KIF13A: variants seen among roughly 807,000 people sequenced by gnomAD.
KIF13A encodes kinesin-like protein KIF13A.
Under a neutral mutation model 212.2 loss-of-function variants are expected in KIF13A, and 79 were observed. The ratio of observed to expected loss-of-function variants is 0.37; its 90% CI spans 0.31 to 0.45. The LOEUF (loss-of-function observed/expected upper bound fraction) is 0.45, where lower values mean the gene tolerates loss of function less well. Ranked by LOEUF, KIF13A falls within the 20% of genes least tolerant of loss-of-function variation. The pLI is 1.00. For synonymous variants in KIF13A, 789 were observed against 808.6 expected (o/e 0.98, Z 0.41); for missense variants, 1,901 against 2,209.0 (o/e 0.86, Z 2.79).
In KIF13A at chr6:17,984,585, GTTT is replaced by G. The variant is rs539268621; in HGVS notation, c.146+2466_146+2468del. 37 of 827,476 alleles carry G rather than the reference GTTT, an allele frequency of 4.5e-5. No homozygotes were observed. The highest frequency in any genetic ancestry group is 5.0e-5 in the Non-Finnish European group (35 of 693,418). 51.3% of individuals were successfully genotyped at this position (827,476 alleles called of 1,614,324 possible). Reference sequence around the variant, plus strand: ...GAAACAATGAAAGCTGACCCCATCTGTTTTTTTTTTTTTTCCCTGGACGTCAAT... The same window carrying G: ...GAAACAATGAAAGCTGACCCCATCTGTTTTTTTTTTTCCCTGGACGTCAAT... On this transcript the variant is annotated intron_variant, in intron 2 of 38. Coordinates refer to ENST00000259711, the MANE Select transcript of KIF13A (RefSeq NM_022113.6). The surrounding 1 kb of genome is among the most constrained non-coding windows in gnomAD (Gnocchi z 5.0).
In KIF13A at chr6:17,984,469, TTCA is replaced by T. The variant is rs1274306740; in HGVS notation, c.146+2582_146+2584del. 4.2e-6 allele frequency: 4 copies of T among 962,416 alleles called. No individual in the cohort carries two copies. Among genetic ancestry groups the T allele is most frequent in the Non-Finnish European group, 4.9e-6 (4 of 809,322 alleles). The allele number at this position is 962,416 out of a possible 1,614,324, so 59.6% of individuals were successfully genotyped here. The stretch of plus-strand genomic sequence containing the variant: ...ATGCAATGTATTACAATACTAGAAT[TTCA>T]GCAACAAAACAAACATCTTTAACCT... On this transcript the variant is annotated intron_variant, in intron 2 of 38. Coordinates refer to ENST00000259711, the MANE Select transcript of KIF13A (RefSeq NM_022113.6). This position sits in a 1 kb window ranked among gnomAD's most constrained non-coding sequence, Gnocchi z 5.0.
At chr6:17,814,438 G>A (rs1035468152) in intron 17 of KIF13A, among the ~76,000 whole-genome samples, 4 of 151,350 alleles carry the variant, frequency 2.6e-5, no homozygotes, top group Non-Finnish European at 2.9e-5. Context: ...TAGTACAGAC[G>A]GGGTTTCACC....
At chr6:17,767,813 C>T (rs1759145579) in intron 38 of KIF13A, among the ~76,000 whole-genome samples, 2 of 152,100 alleles carry the variant, frequency 1.3e-5, no homozygotes, top group African/African-American at 4.8e-5. Context: ...TACAATTTTG[C>T]TGAATGAAAT....
chr6:17,929,404 A>ATTT (rs35396541), intron 2 of KIF13A, among the ~76,000 whole-genome samples: 4,530 of 145,184 alleles, frequency 0.031, 162 homozygotes, highest in African/African-American at 0.075. Context: ...ACTCTCGACT[A>ATTT]TTTTTTTTTT....
chr6:17,983,262 C>T (rs1170620219), intron 2 of KIF13A, among the ~76,000 whole-genome samples: 4 of 151,168 alleles, frequency 2.6e-5, no homozygotes. Flanking sequence ...TAAAAATGCA[C>T]ATATATATCT....
At chr6:17,869,815 T>C (rs567409193) in intron 4 of KIF13A, among the ~76,000 whole-genome samples, 1 of 151,790 alleles carries the variant, frequency 6.6e-6, no homozygotes, top group South Asian at 2.1e-4. Context: ...TCTTTCTCTG[T>C]CTCTCTCCCT....
In KIF13A at chr6:17,777,539, C is replaced by T. The variant is rs1016619300; in HGVS notation, c.4093-185G>A. 3.3e-5 allele frequency among the ~76,000 whole-genome samples: 5 copies of T among 152,044 alleles called. No individual in the cohort carries two copies. The highest frequency in any genetic ancestry group is 7.4e-5 in the Non-Finnish European group (5 of 68,012). ...GGGACTACAGGTGCACGCCACCACA[C>T]TCGGCTAATTTTTTTTTGTATTTTA... On this transcript the variant is annotated intron_variant, in intron 33 of 38. Transcript: ENST00000259711. This position sits in a 1 kb window ranked among gnomAD's most constrained non-coding sequence, Gnocchi z 4.4.
At position 17,916,049 on chromosome 6, in the gene KIF13A, C is replaced by T. The variant is rs1250163396; in HGVS notation, c.147-17869G>A. On this transcript the variant is annotated intron_variant, in intron 2 of 38. Transcript: ENST00000259711. The stretch of plus-strand genomic sequence containing the variant: ...GAGGCATGCTAACTGGGCAGGATGG[C>T]GTTTCTCATCCTGATTCCCAATACA... 2.6e-5 allele frequency among the ~76,000 whole-genome samples: 4 copies of T among 152,210 alleles called. No homozygotes were observed. The East Asian group carries it at 5.8e-4, about 22-fold the overall frequency.
intron 2 of KIF13A, among the ~76,000 whole-genome samples, chr6:17,905,340 T>TTAGG (rs970294563): frequency 3.9e-5 from 6 of 152,164 alleles, no homozygotes; most frequent in African/African-American, 1.4e-4. Flanking sequence ...TTTAGAGGAA[T>TTAGG]TAGGCATGGT....
intron 3 of KIF13A, among the ~76,000 whole-genome samples, chr6:17,885,081 A>G (rs557274065): frequency 3.3e-5 from 5 of 152,106 alleles, no homozygotes; most frequent in South Asian, 2.1e-4. Context: ...TCTCTTTTTC[A>G]TCTTTCTCCT....
At chr6:17,929,521 C>T (rs4712318) in intron 2 of KIF13A, among the ~76,000 whole-genome samples, 11 of 152,234 alleles carry the variant, frequency 7.2e-5, no homozygotes, top group Middle Eastern at 3.4e-3. Flanking sequence ...CTGCCTCAGC[C>T]TCCCAAGTAG....
chr6:17,831,348 C>T (rs1248172679), intron 12 of KIF13A, 113 bp from the exon 13 acceptor site: 1 of 1,178,190 alleles, frequency 8.5e-7, no homozygotes, highest in African/African-American at 1.5e-5. Context: ...TGGGATTACA[C>T]ATGCTACTCT....
At chr6:17,812,077 T>C (rs1208268341) in intron 17 of KIF13A, 4 of 152,198 alleles carry the variant, frequency 2.6e-5, no homozygotes, top group African/African-American at 9.6e-5. Context: ...AAAATCAATC[T>C]GGAATTAAGG....
chr6:17,860,078 T>G (rs1221089358), intron 4 of KIF13A, among the ~76,000 whole-genome samples: 1 of 152,184 alleles, frequency 6.6e-6, no homozygotes, highest in African/African-American at 2.4e-5. Flanking sequence ...TCAAGGCTGA[T>G]TCCATTCATC....
chr6:17,881,129 C>T (rs2150450484), intron 3 of KIF13A, among the ~76,000 whole-genome samples: 1 of 152,262 alleles, frequency 6.6e-6, no homozygotes, highest in Non-Finnish European at 1.5e-5. Context: ...TTGACTCCAC[C>T]TTCTCAGAAT....
intron 4 of KIF13A, among the ~76,000 whole-genome samples, chr6:17,859,641 T>A (rs867464874): frequency 0.012 from 1,083 of 89,490 alleles, 23 homozygotes; most frequent in African/African-American, 0.036. Flanking sequence ...TATATATATT[T>A]TTTTTTTTTT....
At chr6:17,818,746 TA>T (rs1220936396) in intron 16 of KIF13A, among the ~76,000 whole-genome samples, 2 of 152,088 alleles carry the variant, frequency 1.3e-5, no homozygotes, top group Non-Finnish European at 2.9e-5. Flanking sequence ...AACACGTAGC[TA>T]CAAAGTGACA....
rs1240356422 is a variant in KIF13A, at chr6:17,968,523, G to A, written c.146+18531C>T. On this transcript the variant is annotated intron_variant, in intron 2 of 38. Transcript: ENST00000259711. This position sits in a 1 kb window ranked among gnomAD's most constrained non-coding sequence, Gnocchi z 4.7. ...GGCAGTACAGGAAATGAAACATCCC[G>A]ACCTCACAACTTTGCCTAGGATAGA... Among the ~76,000 whole-genome samples the A allele has an allele frequency of 4.0e-5, 6 of 151,570 alleles. No homozygotes were observed. Among genetic ancestry groups the A allele is most frequent in the Admixed American group, 2.0e-4 (3 of 15,244 alleles).
chr6:17,779,865 C>T (rs1250387567), intron 31 of KIF13A, among the ~76,000 whole-genome samples, 181 bp from the exon 32 acceptor site: 1 of 151,506 alleles, frequency 6.6e-6, no homozygotes, highest in Non-Finnish European at 1.5e-5. Flanking sequence ...CTCAGCCTCC[C>T]GAGTAGCTGG....
Sources: allele counts gnomAD v4.1 joint callset (sites outside exome capture counted in the v4.1 genomes callset), GRCh38; gene constraint gnomAD v4.1.1; non-coding constraint Gnocchi (gnomAD v3.1); transcripts MANE v1.5; gene names NCBI Gene and HGNC (gene_info 2026-07-23, HGNC 2026-07-21).